The following NEK1 variants were observed in gnomAD, a reference collection of about 807,000 sequenced individuals.
The protein encoded by NEK1 is serine/threonine-protein kinase Nek1.
A neutral mutation model predicts 182.1 loss-of-function variants in NEK1; 137 were observed. The observed-to-expected ratio is 0.75, with a 90% CI of 0.65 to 0.87. The LOEUF is 0.87. Ranked by LOEUF, NEK1 falls within the 40% of genes least tolerant of loss-of-function variation. The probability of loss-of-function intolerance (pLI) is 0.00; values close to 1 mark genes in which losing one functional copy is unlikely to be tolerated. For missense variants in NEK1, 1,391 were observed against 1,494.4 expected, an observed-to-expected ratio of 0.93 and a Z score of 1.14; for synonymous variants, 513 against 492.2, an observed-to-expected ratio of 1.04 and a Z score of -0.56.
At chr4:169,430,491 G>C (rs1737223507) in intron 29 of NEK1, among the ~76,000 whole-genome samples, 1 of 152,144 alleles carries the variant, frequency 6.6e-6, no homozygotes, top group Non-Finnish European at 1.5e-5. Context: ...ATACTGCTAA[G>C]CAAAAGGGGC....
intron 23 of NEK1, among the ~76,000 whole-genome samples, chr4:169,497,679 G>C (rs1255705246): frequency 1.3e-5 from 2 of 152,166 alleles, no homozygotes; most frequent in Non-Finnish European, 2.9e-5. Context: ...AGTCATTCAG[G>C]AACAGGTTGT....
At chr4:169,493,224 C>T (rs1390128009) in intron 23 of NEK1, among the ~76,000 whole-genome samples, 2 of 152,014 alleles carry the variant, frequency 1.3e-5, no homozygotes, top group Non-Finnish European at 2.9e-5. Flanking sequence ...TAAAAGCACC[C>T]AGAAAAGAAG....
At chr4:169,558,401 C>T (rs1399949943) in intron 16 of NEK1, among the ~76,000 whole-genome samples, 2 of 152,202 alleles carry the variant, frequency 1.3e-5, no homozygotes, top group African/African-American at 2.4e-5. Context: ...ATATCCATTA[C>T]CCCAGAAAGT....
chr4:169,493,947 G>C (rs1365497964), intron 23 of NEK1, among the ~76,000 whole-genome samples: 2 of 152,148 alleles, frequency 1.3e-5, no homozygotes, highest in East Asian at 3.9e-4. Context: ...GAGAACACCA[G>C]TGAGATACTA....
intron 5 of NEK1, among the ~76,000 whole-genome samples, chr4:169,591,914 T>A (rs993097988): frequency 5.3e-5 from 8 of 151,976 alleles, no homozygotes; most frequent in African/African-American, 1.9e-4. Flanking sequence ...CAAAAGTTAT[T>A]CAAATCACTG....
intron 11 of NEK1, among the ~76,000 whole-genome samples, chr4:169,579,162 G>A (rs1008760530): frequency 1.5e-4 from 23 of 152,158 alleles, no homozygotes; most frequent in Non-Finnish European, 3.4e-4. Context: ...CATTGACAAG[G>A]CTACCTATGG....
intron 23 of NEK1, among the ~76,000 whole-genome samples, chr4:169,501,123 A>G (rs1752347393): frequency 6.6e-6 from 1 of 152,224 alleles, no homozygotes. Context: ...GATAAAACAG[A>G]CTTTAAATCA....
intron 19 of NEK1, among the ~76,000 whole-genome samples, chr4:169,527,288 G>A (rs1412949793): frequency 6.6e-6 from 1 of 152,124 alleles, no homozygotes; most frequent in Non-Finnish European, 1.5e-5. Flanking sequence ...ACAGTCAGCA[G>A]ACCTGATCTC....
intron 34 of NEK1, 61 bp from the exon 35 acceptor site, chr4:169,400,418 A>C: frequency 6.9e-7 from 1 of 1,441,274 alleles, no homozygotes; most frequent in Non-Finnish European, 9.2e-7. Context: ...TGCAGACTTC[A>C]CTTTTTATTT....
rs140550424 is a variant in NEK1 at position 169,409,594 on chromosome 4, C to A, written c.3223-2847G>T. Among the ~76,000 whole-genome samples the A allele has an allele frequency of 8.5e-5, 13 of 152,164 alleles. No homozygotes were observed. In the East Asian group the frequency reaches 2.3e-3, roughly 27 times the overall value. Reference sequence around the variant, plus strand: ...GACTACCCTGGCTAACATGGTGAAACTCTGTCTCTATTAAAAACACAAAAA... The same window carrying A: ...GACTACCCTGGCTAACATGGTGAAAATCTGTCTCTATTAAAAACACAAAAA... On this transcript the variant is annotated intron_variant, in intron 31 of 35. Coordinates refer to ENST00000507142, the MANE Select transcript of NEK1 (RefSeq NM_001199397.3).
chr4:169,576,349 G>A (rs933918791), intron 12 of NEK1, among the ~76,000 whole-genome samples: 1 of 152,078 alleles, frequency 6.6e-6, no homozygotes, highest in Admixed American at 6.5e-5. Flanking sequence ...CATATCTAAG[G>A]CTGTGTATAT....
At chr4:169,561,436 G>A (rs921961812) in intron 16 of NEK1, 44 bp downstream of exon 16, 1 of 1,526,864 alleles carries the variant, frequency 6.5e-7, no homozygotes, top group Non-Finnish European at 9.1e-7. Context: ...GGTGGAACTG[G>A]AGGGGAAAAT....
At chr4:169,547,750 CTTGA>C (rs1760759966) in intron 18 of NEK1, among the ~76,000 whole-genome samples, 1 of 152,170 alleles carries the variant, frequency 6.6e-6, no homozygotes, top group South Asian at 2.1e-4. Context: ...TCCTTTTCCA[CTTGA>C]TTGATTCGGC....
chr4:169,479,741 C>A (rs952829487), intron 23 of NEK1, among the ~76,000 whole-genome samples: 14 of 152,074 alleles, frequency 9.2e-5, no homozygotes, highest in Non-Finnish European at 1.5e-4. Context: ...CAGATGTACA[C>A]ATAGTCATGT....
In NEK1 at chr4:169,477,253, G is replaced by C. The variant is rs764750478; in HGVS notation, c.2305C>G (p.His769Asp). The C allele has an allele frequency of 1.2e-6, 2 of 1,600,094 alleles. No homozygotes were observed. The highest frequency in any genetic ancestry group is 1.7e-6 in the Non-Finnish European group (2 of 1,171,958). ...NLSDTFEINV[H>D]EDAKEHEKEK... is the part of the protein sequence containing the mutation. ...TTTTCATGCTCTTTGGCATCTTCAT[G>C]AACATTTATCTCAAAAGTATCAGAG... The change falls in exon 26 of 36, where the codon CAT becomes GAT. Residue 769 changes from histidine (H) to aspartate (D), a missense_variant. By Grantham distance (81) the His-to-Asp change is moderately conservative (BLOSUM62 -1). This residue lies in a region of NEK1 where 1,216 missense variants were observed against 1,277.6 expected (regional missense o/e 0.95). Coordinates refer to ENST00000507142, the MANE Select transcript of NEK1 (RefSeq NM_001199397.3).
intron 26 of NEK1, among the ~76,000 whole-genome samples, chr4:169,463,851 T>C (rs1307129907): frequency 2.0e-5 from 3 of 152,136 alleles, no homozygotes; most frequent in African/African-American, 7.2e-5. Context: ...CAGGCTAGTC[T>C]TGGACTCCTG....
chr4:169,407,346 T>G (rs1479850099), intron 31 of NEK1, among the ~76,000 whole-genome samples: 2 of 152,184 alleles, frequency 1.3e-5, no homozygotes, highest in African/African-American at 2.4e-5. Flanking sequence ...GAACTGCTGA[T>G]TAGCCACATA....
chr4:169,448,837 C>T (rs111324888), intron 27 of NEK1, among the ~76,000 whole-genome samples: 29,762 of 152,076 alleles, frequency 0.2, 4,414 homozygotes, highest in African/African-American at 0.42. Context: ...GAGGGTGAGC[C>T]GAAGCAGGGT....
Position 169,589,625 on chromosome 4 carries a change from C to T in NEK1, c.397-111G>A, listed in dbSNP as rs1050156246. 1.4e-5 allele frequency: 9 copies of T among 662,522 alleles called. No individual in the cohort carries two copies. In the African/African-American group the frequency reaches 1.5e-4, roughly 11 times the overall value. 41.0% of individuals were successfully genotyped at this position (662,522 alleles called of 1,614,324 possible). On this transcript the variant is annotated intron_variant, in intron 6 of 35. Coordinates refer to ENST00000507142, the MANE Select transcript of NEK1 (RefSeq NM_001199397.3). ...AGTTAAAAAAATTGTGCTAGAGTAA[C>T]TGGATATTCACATACAAAAGAATAA...
Sources: allele counts gnomAD v4.1 joint callset (sites outside exome capture counted in the v4.1 genomes callset), GRCh38; gene constraint gnomAD v4.1.1; regional missense constraint gnomAD v4.1.1; transcripts MANE v1.5; gene names NCBI Gene and HGNC (gene_info 2026-07-23, HGNC 2026-07-21).